Variants in HACD4 observed in about 807,000 individuals in gnomAD.
HACD4 encodes very-long-chain (3R)-3-hydroxyacyl-CoA dehydratase 4.
HACD4 carries 35 observed loss-of-function variants against 33.3 expected under a neutral mutation model. The observed-to-expected ratio is 1.05, with a 90% CI of 0.80 to 1.39. The LOEUF is 1.39. Ranked by LOEUF, HACD4 falls within the 40% of genes most tolerant of loss-of-function variation. The probability of loss-of-function intolerance (pLI) is 0.00; values close to 1 mark genes in which losing one functional copy is unlikely to be tolerated. For synonymous variants in HACD4, 118 were observed against 98.0 expected (o/e 1.20, Z -1.21); for missense variants, 323 against 276.5 (o/e 1.17, Z -1.19).
At chr9:21,023,399 CAG>C (rs547951321) in intron 3 of HACD4, among the ~76,000 whole-genome samples, 74 of 152,002 alleles carry the variant, frequency 4.9e-4, no homozygotes, top group African/African-American at 1.4e-3. Flanking sequence ...GCACAAGAAA[CAG>C]AAACACAGCA....
intron 1 of HACD4, among the ~76,000 whole-genome samples, chr9:21,030,999 T>C (rs759773770): frequency 7.2e-5 from 11 of 152,172 alleles, no homozygotes; most frequent in Non-Finnish European, 1.6e-4. Flanking sequence ...GGCAGAATGA[T>C]TTTTATTTGG....
In HACD4 at chr9:21,005,168, A is replaced by G. The variant is rs1351521514; in HGVS notation, c.*1869T>C. 2 of 152,228 alleles carry G rather than the reference A, an allele frequency of 1.3e-5. No homozygotes were observed. Among genetic ancestry groups the G allele is most frequent in the Admixed American group, 1.3e-4 (2 of 15,284 alleles). The allele number at this position is 152,228 out of a possible 1,614,324, so 9.4% of individuals were successfully genotyped here. A position where few individuals can be genotyped will look rare whatever the true frequency, so the allele number is the denominator to read the frequency against. On this transcript the variant is annotated 3_prime_UTR_variant, in exon 7 of 7. Coordinates refer to ENST00000495827, the MANE Select transcript of HACD4 (RefSeq NM_001010915.5). This position sits in a 1 kb window ranked among gnomAD's most constrained non-coding sequence, Gnocchi z 4.0. The stretch of plus-strand genomic sequence containing the variant: ...ATGTTCTAGTGTTTTGTGGAAAGTA[A>G]AATTGTGAGCCATGAAATTAGATAT...
chr9:21,011,888 G>A (rs1228185755), intron 4 of HACD4, among the ~76,000 whole-genome samples, 193 bp from the exon 5 acceptor site: 1 of 152,072 alleles, frequency 6.6e-6, no homozygotes, highest in Non-Finnish European at 1.5e-5. Flanking sequence ...GTCTCATGTG[G>A]TAGATCATTA....
rs994514283 is a variant in HACD4, at chr9:21,006,783, T to G, written c.*254A>C. ...ATAATCAGACTTCATACAATGTAAG[T>G]ATAACTTGTATAAAATCCAAATGAA... On this transcript the variant is annotated 3_prime_UTR_variant, in exon 7 of 7. Coordinates refer to ENST00000495827, the MANE Select transcript of HACD4 (RefSeq NM_001010915.5). This position sits in a 1 kb window ranked among gnomAD's most constrained non-coding sequence, Gnocchi z 4.6. The G allele has an allele frequency of 1.6e-5, 7 of 438,976 alleles. No homozygotes were observed. In the South Asian group the frequency reaches 1.7e-4, roughly 11 times the overall value. The allele number at this position is 438,976 out of a possible 1,614,324, so 27.2% of individuals were successfully genotyped here. A position where few individuals can be genotyped will look rare whatever the true frequency, so the allele number is the denominator to read the frequency against.
At position 21,006,814 on chromosome 9, in the gene HACD4, A is replaced by G. The variant is rs1842281204; in HGVS notation, c.*223T>C. ...TTGTATAAAATCCAAATGAAGCAGG[A>G]ATTTTGGTGAAGCAGGGTATGGAGA... On this transcript the variant is annotated 3_prime_UTR_variant, in exon 7 of 7. Coordinates refer to ENST00000495827, the MANE Select transcript of HACD4 (RefSeq NM_001010915.5). The surrounding 1 kb of genome is among the most constrained non-coding windows in gnomAD (Gnocchi z 4.6). 4.0e-6 allele frequency: 2 copies of G among 498,650 alleles called. No homozygotes were observed. The highest frequency in any genetic ancestry group is 7.2e-6 in the Non-Finnish European group (2 of 278,964). The allele number at this position is 498,650 out of a possible 1,614,324, so 30.9% of individuals were successfully genotyped here. A position where few individuals can be genotyped will look rare whatever the true frequency, so the allele number is the denominator to read the frequency against.
intron 4 of HACD4, among the ~76,000 whole-genome samples, chr9:21,012,048 C>A (rs1011641910): frequency 6.6e-6 from 1 of 152,144 alleles, no homozygotes; most frequent in Non-Finnish European, 1.5e-5. Context: ...GACAGACATA[C>A]TTGTAAATAT....
chr9:21,023,953 C>T (rs951126949), intron 3 of HACD4, among the ~76,000 whole-genome samples: 1 of 152,220 alleles, frequency 6.6e-6, no homozygotes, highest in East Asian at 1.9e-4. Flanking sequence ...TACTTAAAAG[C>T]AGCCACTCTC....
Position 21,005,393 on chromosome 9 carries a change from C to T in HACD4, c.*1644G>A, listed in dbSNP as rs1842245390. 1 of 152,138 alleles carries T rather than the reference C, an allele frequency of 6.6e-6. No homozygotes were observed. Among genetic ancestry groups the T allele is most frequent in the African/African-American group, 2.4e-5 (1 of 41,422 alleles). The allele number at this position is 152,138 out of a possible 1,614,324, so 9.4% of individuals were successfully genotyped here. A position where few individuals can be genotyped will look rare whatever the true frequency, so the allele number is the denominator to read the frequency against. On this transcript the variant is annotated 3_prime_UTR_variant, in exon 7 of 7. Transcript: ENST00000495827. The surrounding 1 kb of genome is among the most constrained non-coding windows in gnomAD (Gnocchi z 4.0). ...TTGGTAGAGAACACTAAGAGTGTAG[C>T]AGACAAGTCATCCAATTAGATTTAT... is the stretch of plus-strand genomic sequence containing the variant.
chr9:21,008,056 T>C lies in HACD4; in HGVS notation c.581A>G (p.Tyr194Cys), dbSNP rs756687966. Reference protein sequence around the residue: ...LPFDLSIYFPYVLKIYLMMLF... With the variant: ...LPFDLSIYFPCVLKIYLMMLF... ...CATCATGAGATATATTTTCAGCACA[T>C]ATGGGAAATAGATGGATAAGTCAAA... Residue 194 changes from tyrosine (Y) to cysteine (C), a missense_variant, in exon 6 of 7, where the codon TAT (tyrosine) becomes TGT (cysteine). Physicochemically the swap from Tyr to Cys is radical, Grantham distance 194. Transcript: ENST00000495827. 1.9e-6 allele frequency: 3 copies of C among 1,608,454 alleles called. No individual in the cohort carries two copies. Among genetic ancestry groups the C allele is most frequent in the Admixed American group, 3.4e-5 (2 of 59,118 alleles).
chr9:21,026,039 T>C (rs1818052258), intron 3 of HACD4, among the ~76,000 whole-genome samples: 1 of 152,230 alleles, frequency 6.6e-6, no homozygotes, highest in African/African-American at 2.4e-5. Flanking sequence ...TAAACACAAA[T>C]GATCTCCTCT....
At chr9:21,011,767 A>G (rs1283822534) in intron 4 of HACD4, 72 bp from the exon 5 acceptor site, 9 of 729,346 alleles carry the variant, frequency 1.2e-5, no homozygotes, top group Admixed American at 5.3e-5. Context: ...ACTACTGTGT[A>G]ATTAAATACA....
chr9:21,015,941 C>G lies in HACD4; in HGVS notation c.340G>C (p.Val114Leu). 1 of 1,613,144 alleles carries G rather than the reference C, an allele frequency of 6.2e-7. No homozygotes were observed. The highest frequency in any genetic ancestry group is 8.5e-7 in the Non-Finnish European group (1 of 1,179,290). Residue 114 changes from valine to leucine, a missense_variant, in exon 4 of 7, where the codon GTG becomes CTG. Val to Leu is a conservative substitution (Grantham distance 32, BLOSUM62 1). Transcript: ENST00000495827. ...TTCCAAAAGACGAATAAAACACACA[C>G]CACATATTTCTCTTGGACTTCCTCT... ...SQEEVQEKYV[V>L]CVLFVFWNLL...
At chr9:21,022,977 A>G (rs1259976882) in intron 3 of HACD4, among the ~76,000 whole-genome samples, 1 of 152,200 alleles carries the variant, frequency 6.6e-6, no homozygotes, top group African/African-American at 2.4e-5. Context: ...CCAAATGCCC[A>G]TCAATGATAG....
rs202073848 is a variant in HACD4 at position 21,026,881 on chromosome 9, C to A, written c.143-158G>T. ...GTAGGCTACTAAATTATTAACAATA[C>A]AATGCAAACAAACAAAGCACTTCAT... On this transcript the variant is annotated intron_variant, in intron 2 of 6. Coordinates refer to ENST00000495827, the MANE Select transcript of HACD4 (RefSeq NM_001010915.5). The A allele has an allele frequency of 3.1e-4, 186 of 594,684 alleles. 1 individual carries two copies. The East Asian group carries it at 5.2e-3, about 16-fold the overall frequency. The allele number at this position is 594,684 out of a possible 1,614,324, so 36.8% of individuals were successfully genotyped here.
At chr9:21,019,822 G>A (rs1430945026) in intron 3 of HACD4, among the ~76,000 whole-genome samples, 1 of 151,902 alleles carries the variant, frequency 6.6e-6, no homozygotes, top group Non-Finnish European at 1.5e-5. Context: ...CCTATTCCAA[G>A]CTCAAAACTG....
intron 2 of HACD4, among the ~76,000 whole-genome samples, chr9:21,028,839 G>T (rs1317936179): frequency 6.6e-6 from 1 of 152,146 alleles, no homozygotes; most frequent in Non-Finnish European, 1.5e-5. Flanking sequence ...TTCTTAAAGG[G>T]ACCAAATAGA....
intron 4 of HACD4, among the ~76,000 whole-genome samples, chr9:21,014,535 G>A (rs533519563): frequency 6.6e-6 from 1 of 152,276 alleles, no homozygotes; most frequent in South Asian, 2.1e-4. Context: ...CAGCATATGT[G>A]TAGTTTCCAG....
chr9:21,029,376 A>C lies in HACD4; in HGVS notation c.61T>G (p.Phe21Val), dbSNP rs766044023. Residue 21 changes from phenylalanine (F) to valine (V), a missense_variant, in exon 2 of 7, where the codon TTC (phenylalanine) becomes GTC (valine). Physicochemically the swap from Phe to Val is conservative, Grantham distance 50 (BLOSUM62 -1). Transcript: ENST00000495827. The part of the protein sequence containing the change: ...QPRYRKNAYL[F>V]IYYLIQFCGH... ...CAGAACTGGATTAAGTAATAGATGAAAAGATACGCATTCTTCCTATACCTA... is the reference window on the plus strand; with the variant it reads ...CAGAACTGGATTAAGTAATAGATGACAAGATACGCATTCTTCCTATACCTA... 6.3e-7 allele frequency: 1 copy of C among 1,587,366 alleles called. No homozygotes were observed. The highest frequency in any genetic ancestry group is 1.3e-5 in the African/African-American group (1 of 74,188).
chr9:21,008,078 C>T lies in HACD4; in HGVS notation c.559G>A (p.Asp187Asn), dbSNP rs747015139. ...FGTYSTKLPF[D>N]LSIYFPYVLK... ...ACATATGGGAAATAGATGGATAAGT[C>T]AAAGGGCAGCTTGGTGGAATAAGTG... The change falls in exon 6 of 7, where the codon GAC becomes AAC. Residue 187 changes from aspartate (D) to asparagine (N), a missense_variant. Coordinates refer to ENST00000495827, the MANE Select transcript of HACD4 (RefSeq NM_001010915.5). The T allele has an allele frequency of 1.2e-6, 2 of 1,611,310 alleles. No homozygotes were observed. Among genetic ancestry groups the T allele is most frequent in the East Asian group, 2.2e-5 (1 of 44,710 alleles).
Sources: allele counts gnomAD v4.1 joint callset (sites outside exome capture counted in the v4.1 genomes callset), GRCh38; gene constraint gnomAD v4.1.1; non-coding constraint Gnocchi (gnomAD v3.1); transcripts MANE v1.5; gene names NCBI Gene and HGNC (gene_info 2026-07-23, HGNC 2026-07-21).